FSHR: variants seen among roughly 807,000 people sequenced by gnomAD.
FSHR encodes follicle stimulating hormone receptor.
FSHR carries 46 observed loss-of-function variants against 52.1 expected under a neutral mutation model. The ratio of observed to expected loss-of-function variants is 0.88; its 90% CI spans 0.70 to 1.13. The LOEUF is 1.13. FSHR is among the 50% of genes most tolerant of loss of function. The pLI, the probability that FSHR is intolerant of heterozygous loss-of-function variation, is 0.00. For missense variants in FSHR, 964 were observed against 834.6 expected, an observed-to-expected ratio of 1.16 and a Z score of -1.91; for synonymous variants, 399 against 309.6, an observed-to-expected ratio of 1.29 and a Z score of -3.03.
At chr2:49,080,946 A>G (rs1272752889) in intron 1 of FSHR, among the ~76,000 whole-genome samples, 1 of 152,116 alleles carries the variant, frequency 6.6e-6, no homozygotes, top group Non-Finnish European at 1.5e-5. Context: ...TACACTGCAG[A>G]GTTTGCCGAG....
intron 2 of FSHR, among the ~76,000 whole-genome samples, chr2:49,024,054 C>T (rs966770638): frequency 1.3e-5 from 2 of 152,090 alleles, no homozygotes; most frequent in African/African-American, 2.4e-5. Context: ...TTAATTTGTT[C>T]ACCATTATAA....
chr2:49,081,358 C>A (rs1329250991), intron 1 of FSHR, among the ~76,000 whole-genome samples: 1 of 151,458 alleles, frequency 6.6e-6, no homozygotes, highest in Non-Finnish European at 1.5e-5. Context: ...TAAAAAAAAA[C>A]AAAACTAAGC....
At chr2:49,076,848 A>G (rs1669967691) in intron 1 of FSHR, among the ~76,000 whole-genome samples, 17 of 152,202 alleles carry the variant, frequency 1.1e-4, no homozygotes, top group Admixed American at 1.1e-3. Context: ...TGGGACAGTC[A>G]AATCTTTAAA....
intron 1 of FSHR, among the ~76,000 whole-genome samples, chr2:49,147,955 A>G (rs1243781558): frequency 6.6e-6 from 1 of 152,040 alleles, no homozygotes; most frequent in Non-Finnish European, 1.5e-5. Context: ...ACTCAGGGCA[A>G]TTTGCACAGT....
intron 1 of FSHR, among the ~76,000 whole-genome samples, chr2:49,114,500 C>T (rs1042806660): frequency 6.6e-6 from 1 of 152,104 alleles, no homozygotes; most frequent in Admixed American, 6.5e-5. Context: ...CTGGAAGTTC[C>T]ATCTTCAGAC....
intron 1 of FSHR, among the ~76,000 whole-genome samples, chr2:49,096,039 G>A (rs1479751156): frequency 1.3e-5 from 2 of 152,134 alleles, no homozygotes; most frequent in Non-Finnish European, 2.9e-5. Flanking sequence ...TAATGTAGCT[G>A]CATTAGCAAA....
chr2:49,086,235 T>C (rs1241920175), intron 1 of FSHR, among the ~76,000 whole-genome samples: 2 of 152,214 alleles, frequency 1.3e-5, no homozygotes, highest in Non-Finnish European at 2.9e-5. Context: ...CAGCCCATAC[T>C]ACATTATAGA....
chr2:49,073,955 A>G (rs1410396089), intron 1 of FSHR, among the ~76,000 whole-genome samples: 1 of 152,262 alleles, frequency 6.6e-6, no homozygotes, highest in South Asian at 2.1e-4. Flanking sequence ...AGTCTCTTCA[A>G]TAAATTCTGC....
intron 4 of FSHR, among the ~76,000 whole-genome samples, chr2:48,999,429 G>A (rs919693900): frequency 4.6e-5 from 7 of 152,028 alleles, no homozygotes; most frequent in Admixed American, 3.9e-4. Flanking sequence ...GGTGCTTATT[G>A]TTGTCTTACC....
In FSHR at chr2:48,962,504, A is replaced by C. The variant is rs1674268325; in HGVS notation, c.*229T>G. The C allele has an allele frequency of 1.8e-6, 1 of 541,202 alleles. No homozygotes were observed. Among genetic ancestry groups the C allele is most frequent in the Non-Finnish European group, 3.3e-6 (1 of 304,222 alleles). The allele number at this position is 541,202 out of a possible 1,614,324, so 33.5% of individuals were successfully genotyped here. A position where few individuals can be genotyped will look rare whatever the true frequency, so the allele number is the denominator to read the frequency against. ...GCAAAAATAACATATATAAGGATAA[A>C]ATATGTAATACAGTATTGCATTCTT... On this transcript the variant is annotated 3_prime_UTR_variant, in exon 10 of 10. Coordinates refer to ENST00000406846, the MANE Select transcript of FSHR (RefSeq NM_000145.4).
At chr2:49,023,809 A>G (rs1486375463) in intron 2 of FSHR, among the ~76,000 whole-genome samples, 2 of 152,114 alleles carry the variant, frequency 1.3e-5, no homozygotes, top group African/African-American at 4.8e-5. Flanking sequence ...ATGAGATTCC[A>G]TGTTTGTATG....
intron 6 of FSHR, among the ~76,000 whole-genome samples, chr2:48,986,756 A>G (rs1675534260): frequency 2.6e-5 from 4 of 152,182 alleles, no homozygotes; most frequent in Admixed American, 2.6e-4. Context: ...CTATGTCAGA[A>G]GTTCTTATTT....
intron 2 of FSHR, among the ~76,000 whole-genome samples, chr2:49,029,053 G>T (rs1198610845): frequency 6.6e-6 from 1 of 152,192 alleles, no homozygotes; most frequent in East Asian, 1.9e-4. Flanking sequence ...GTGAAAAGTG[G>T]ATACATACAG....
chr2:49,053,310 C>A (rs1476480775), intron 2 of FSHR, among the ~76,000 whole-genome samples: 3 of 152,130 alleles, frequency 2.0e-5, no homozygotes, highest in Non-Finnish European at 2.9e-5. Flanking sequence ...TTGTTATAAA[C>A]TAGCTTTCCC....
intron 1 of FSHR, among the ~76,000 whole-genome samples, chr2:49,126,483 G>T (rs188562582): frequency 1.2e-3 from 182 of 152,274 alleles, no homozygotes; most frequent in African/African-American, 4.1e-3. Flanking sequence ...TTATACCATT[G>T]TTGCACTGGG....
At chr2:49,013,680 C>G (rs1045048691) in intron 4 of FSHR, among the ~76,000 whole-genome samples, 2 of 151,414 alleles carry the variant, frequency 1.3e-5, no homozygotes, top group African/African-American at 4.9e-5. Context: ...ATAGACAACT[C>G]TTGGTCTCAA....
At chr2:49,005,325 T>C (rs1040955611) in intron 4 of FSHR, among the ~76,000 whole-genome samples, 11 of 152,246 alleles carry the variant, frequency 7.2e-5, no homozygotes, top group African/African-American at 2.6e-4. Context: ...AAGGAAAAGC[T>C]GGCCACATTT....
At chr2:49,129,832 C>G (rs1052450308) in intron 1 of FSHR, among the ~76,000 whole-genome samples, 1 of 152,160 alleles carries the variant, frequency 6.6e-6, no homozygotes, top group African/African-American at 2.4e-5. Flanking sequence ...CTGGCAGACC[C>G]TACTGAGGTT....
At chr2:48,993,815 TA>T in intron 4 of FSHR, among the ~76,000 whole-genome samples, 1 of 152,324 alleles carries the variant, frequency 6.6e-6, no homozygotes, top group Non-Finnish European at 1.5e-5. Flanking sequence ...TCTAGAAGGC[TA>T]ACCATCCATT....
Sources: allele counts gnomAD v4.1 joint callset (sites outside exome capture counted in the v4.1 genomes callset), GRCh38; gene constraint gnomAD v4.1.1; transcripts MANE v1.5; gene names NCBI Gene and HGNC (gene_info 2026-07-23, HGNC 2026-07-21).